The following TRPC3 variants were observed in gnomAD, a reference collection of about 807,000 sequenced individuals.
TRPC3 encodes the protein transient receptor potential cation channel subfamily C member 3.
Under a neutral mutation model 90.9 loss-of-function variants are expected in TRPC3, and 54 were observed. The ratio of observed to expected loss-of-function variants is 0.59; its 90% confidence interval spans 0.48 to 0.75. The LOEUF is 0.75. Among genes scored for constraint, TRPC3 ranks in the 30% least tolerant of loss-of-function variants. The pLI is 0.00. For missense variants in TRPC3, 918 were observed against 1,194.5 expected (o/e 0.77, Z 3.41); for synonymous variants, 424 against 450.9 (o/e 0.94, Z 0.75).
Position 121,912,052 on chromosome 4 carries a change from T to A in TRPC3, c.1383A>T (p.Ala461=), listed in dbSNP as rs777008083. ...GGAAGATGATGAAAGAAGCTGCATG[T>A]GCTACAAACTTCATAAAAGGGCTTC... ...ILRSPFMKFV[A]HAASFIIFLG... Residue 461 remains alanine, a synonymous_variant, in exon 5 of 12, where the codon GCA becomes GCT. Transcript: ENST00000379645. The A allele has an allele frequency of 6.2e-7, 1 of 1,613,746 alleles. No homozygotes were observed. The highest frequency in any genetic ancestry group is 8.5e-7 in the Non-Finnish European group (1 of 1,179,804).
intron 1 of TRPC3, among the ~76,000 whole-genome samples, chr4:121,937,903 A>C (rs192767287): frequency 1.2e-3 from 183 of 151,604 alleles, no homozygotes; most frequent in African/African-American, 4.2e-3. Flanking sequence ...TGTGTTTTAA[A>C]CCTGTTTTAA....
intron 3 of TRPC3, among the ~76,000 whole-genome samples, chr4:121,919,048 C>T (rs1200500035): frequency 6.6e-6 from 1 of 152,114 alleles, no homozygotes; most frequent in Non-Finnish European, 1.5e-5. Flanking sequence ...AAAAATAATA[C>T]CCTTATTTTG....
intron 10 of TRPC3, among the ~76,000 whole-genome samples, chr4:121,895,362 T>C (rs188372956): frequency 4.0e-5 from 6 of 151,564 alleles, no homozygotes; most frequent in African/African-American, 1.5e-4. Context: ...ATAAACAAAA[T>C]TGAGACTAAA....
At chr4:121,939,844 T>C (rs954521819) in intron 1 of TRPC3, among the ~76,000 whole-genome samples, 1 of 152,096 alleles carries the variant, frequency 6.6e-6, no homozygotes, top group African/African-American at 2.4e-5. Flanking sequence ...CAAGTAGACA[T>C]AGAACAGTGC....
chr4:121,942,747 G>T (rs183937471), intron 1 of TRPC3, among the ~76,000 whole-genome samples: 2 of 152,126 alleles, frequency 1.3e-5, no homozygotes, highest in African/African-American at 4.8e-5. Context: ...GTAGCTCTTT[G>T]CCAGATTCCT....
rs201911371 is a variant in TRPC3, at chr4:121,914,848, C to T, written c.1273G>A (p.Val425Ile). Reference sequence around the variant, plus strand: ...AGGCCCAGGGCCACGACCAGCACAACGAGACACTTGATAGCTATGGTCTGC... The same window carrying T: ...AGGCCCAGGGCCACGACCAGCACAATGAGACACTTGATAGCTATGGTCTGC... ...REQTIAIKCL[V>I]VLVVALGLPF... The change falls in exon 4 of 12, where the codon GTT becomes ATT. Residue 425 changes from valine to isoleucine, a missense_variant. Transcript: ENST00000379645. The T allele has an allele frequency of 2.8e-5, 45 of 1,613,718 alleles. No homozygotes were observed. Among genetic ancestry groups the T allele is most frequent in the Admixed American group, 1.2e-4 (7 of 59,984 alleles).
At chr4:121,946,802 C>A (rs1398466528) in intron 1 of TRPC3, among the ~76,000 whole-genome samples, 1 of 152,094 alleles carries the variant, frequency 6.6e-6, no homozygotes, top group East Asian at 1.9e-4. Context: ...ATAAAAATAA[C>A]TTAAACCAAC....
intron 4 of TRPC3, among the ~76,000 whole-genome samples, chr4:121,913,023 T>A (rs1316920930): frequency 6.6e-6 from 1 of 152,256 alleles, no homozygotes; most frequent in Non-Finnish European, 1.5e-5. Flanking sequence ...TTTAAGGGAC[T>A]GTTAACTCCA....
chr4:121,941,939 G>A lies in TRPC3; in HGVS notation c.216-8897C>T, dbSNP rs74719761. ...CCATCACTTCAACTGTCTAGTTAGA[G>A]AGTACATGGCCACAGGTAGTCCACA... On this transcript the variant is annotated intron_variant, in intron 1 of 11. Transcript: ENST00000379645. 2.1e-3 allele frequency among the ~76,000 whole-genome samples: 325 copies of A among 152,264 alleles called. 1 individual carries two copies. The highest frequency in any genetic ancestry group is 3.6e-3 in the Non-Finnish European group (243 of 68,026).
In TRPC3 at chr4:121,914,919, T is replaced by G. The variant is rs1183293247; in HGVS notation, c.1202A>C (p.Gln401Pro). 6.2e-7 allele frequency: 1 copy of G among 1,608,606 alleles called. No homozygotes were observed. Among genetic ancestry groups the G allele is most frequent in the African/African-American group, 1.3e-5 (1 of 74,844 alleles). ...KKFVAHPNCQ[Q>P]QLLTIWYENL... Reference sequence around the variant, plus strand: ...CTCATACCAGATCGTCAAGAGCTGCTGCTGGCAGTTGGGATGAGCCACAAA... The same window carrying G: ...CTCATACCAGATCGTCAAGAGCTGCGGCTGGCAGTTGGGATGAGCCACAAA... The change falls in exon 4 of 12, where the codon CAG becomes CCG. Residue 401 changes from glutamine to proline, a missense_variant. By Grantham distance (76) the Gln-to-Pro change is moderately conservative (BLOSUM62 -1). Transcript: ENST00000379645.
At chr4:121,880,241 C>T (rs1178105184) in intron 11 of TRPC3, among the ~76,000 whole-genome samples, 1 of 152,082 alleles carries the variant, frequency 6.6e-6, no homozygotes, top group Non-Finnish European at 1.5e-5. Flanking sequence ...AGGTTGACAC[C>T]TGCATCAAAT....
chr4:121,927,558 A>G (rs112538803), intron 2 of TRPC3, among the ~76,000 whole-genome samples: 2,985 of 152,354 alleles, frequency 0.02, 46 homozygotes, highest in Middle Eastern at 0.071. Flanking sequence ...TCCAAAAATC[A>G]TACTTTAAAA....
At chr4:121,894,555 GTTTTTTTTTT>G (rs374034360) in intron 10 of TRPC3, among the ~76,000 whole-genome samples, 2 of 63,372 alleles carry the variant, frequency 3.2e-5, no homozygotes, top group East Asian at 5.9e-4. Flanking sequence ...TACACATTCT[GTTTTTTTTTT>G]TTTTTTTTTT....
chr4:121,947,183 CA>C lies in TRPC3; in HGVS notation c.215+4282del, dbSNP rs11457162. Among the ~76,000 whole-genome samples, 527 of 92,016 alleles carry C rather than the reference CA, an allele frequency of 5.7e-3. 2 individuals carry two copies. The highest frequency in any genetic ancestry group is 0.015 in the African/African-American group (356 of 23,196). 60.4% of individuals were successfully genotyped at this position (92,016 alleles called of 152,430 possible). ...TAGGTGATAGAGTGAGACTCTGTCT[CA>C]AAAAAAAAAAAAAAAAAAGAATTAA... is the stretch of plus-strand genomic sequence containing the variant. On this transcript the variant is annotated intron_variant, in intron 1 of 11. Coordinates refer to ENST00000379645, the MANE Select transcript of TRPC3 (RefSeq NM_001130698.2).
chr4:121,887,546 T>C (rs1373007966), intron 10 of TRPC3, among the ~76,000 whole-genome samples: 1 of 152,174 alleles, frequency 6.6e-6, no homozygotes, highest in Non-Finnish European at 1.5e-5. Flanking sequence ...AACCAAGCCA[T>C]CAATGATATC....
chr4:121,885,071 A>C (rs1045031778), intron 10 of TRPC3, among the ~76,000 whole-genome samples: 3 of 152,198 alleles, frequency 2.0e-5, no homozygotes, highest in Non-Finnish European at 4.4e-5. Flanking sequence ...ATGACTATTT[A>C]AAAAGTAGTG....
At chr4:121,942,841 C>T (rs2149152372) in intron 1 of TRPC3, among the ~76,000 whole-genome samples, 1 of 152,312 alleles carries the variant, frequency 6.6e-6, no homozygotes, top group African/African-American at 2.4e-5. Context: ...AGTGAGGACC[C>T]TTAGCCATTG....
chr4:121,881,642 T>C (rs1277221443), intron 11 of TRPC3, among the ~76,000 whole-genome samples: 2 of 152,230 alleles, frequency 1.3e-5, no homozygotes, highest in South Asian at 4.1e-4. Flanking sequence ...TTATTAAGTT[T>C]AGTCCTTTCC....
At chr4:121,886,840 A>C (rs1451550916) in intron 10 of TRPC3, among the ~76,000 whole-genome samples, 4 of 152,170 alleles carry the variant, frequency 2.6e-5, no homozygotes, top group South Asian at 2.1e-4. Flanking sequence ...TAGAGAGTTT[A>C]TCTGGGCCAA....
Sources: allele counts gnomAD v4.1 joint callset (sites outside exome capture counted in the v4.1 genomes callset), GRCh38; gene constraint gnomAD v4.1.1; transcripts MANE v1.5; gene names NCBI Gene and HGNC (gene_info 2026-07-23, HGNC 2026-07-21).